The following CACNA2D3 variants were observed in gnomAD, a reference collection of about 807,000 sequenced individuals.
The protein encoded by CACNA2D3 is voltage-dependent calcium channel subunit alpha-2/delta-3.
A neutral mutation model predicts 160.6 loss-of-function variants in CACNA2D3; 60 were observed. The ratio of observed to expected loss-of-function variants is 0.37; its 90% confidence interval spans 0.30 to 0.46. CACNA2D3 has a LOEUF of 0.46. CACNA2D3 is among the 20% of genes least tolerant of loss of function. The pLI is 1.00. For synonymous variants in CACNA2D3, 558 were observed against 492.9 expected, an observed-to-expected ratio of 1.13 and a Z score of -1.75; for missense variants, 1,205 against 1,365.0, an observed-to-expected ratio of 0.88 and a Z score of 1.85.
intron 27 of CACNA2D3, chr3:54,918,431 T>C (rs2106922933): frequency 1.3e-6 from 2 of 1,540,150 alleles, no homozygotes; most frequent in East Asian, 4.8e-5. Flanking sequence ...TGGCCTGCAA[T>C]GACCAATCCT....
intron 13 of CACNA2D3, among the ~76,000 whole-genome samples, chr3:54,807,972 G>A (rs1363509479): frequency 2.8e-5 from 4 of 143,330 alleles, no homozygotes; most frequent in African/African-American, 5.2e-5. Context: ...ACCAAACACC[G>A]CATATTCTCA....
At chr3:54,777,360 T>G (rs1702443793) in intron 13 of CACNA2D3, among the ~76,000 whole-genome samples, 1 of 152,156 alleles carries the variant, frequency 6.6e-6, no homozygotes, top group Non-Finnish European at 1.5e-5. Flanking sequence ...GGGCTCCTCC[T>G]AACCTTACTC....
At chr3:54,475,346 A>G (rs2106884341) in intron 4 of CACNA2D3, among the ~76,000 whole-genome samples, 1 of 152,324 alleles carries the variant, frequency 6.6e-6, no homozygotes, top group East Asian at 1.9e-4. Context: ...GAATAAAATA[A>G]TTGAATTATC....
At chr3:54,796,757 C>G (rs1343755713) in intron 13 of CACNA2D3, among the ~76,000 whole-genome samples, 1 of 152,176 alleles carries the variant, frequency 6.6e-6, no homozygotes, top group African/African-American at 2.4e-5. Flanking sequence ...CCGTGAGACA[C>G]AGACTTCATG....
In CACNA2D3 at chr3:54,939,394, G is replaced by A. The variant is rs190692297; in HGVS notation, c.2450-29056G>A. 7.3e-3 allele frequency among the ~76,000 whole-genome samples: 1,109 copies of A among 152,306 alleles called. 6 individuals are homozygous for A. Among genetic ancestry groups the A allele is most frequent in the Middle Eastern group, 0.014 (4 of 294 alleles). On this transcript the variant is annotated intron_variant, in intron 27 of 37. Transcript: ENST00000474759. ...CTTCAAAGCCTTTGAACTACTCTGCGTTTTTATCTCATCTTATTCTTCCCA... is the reference window on the plus strand; with the variant it reads ...CTTCAAAGCCTTTGAACTACTCTGCATTTTTATCTCATCTTATTCTTCCCA...
chr3:54,866,795 C>T (rs1458030794), intron 17 of CACNA2D3, among the ~76,000 whole-genome samples: 3 of 152,218 alleles, frequency 2.0e-5, no homozygotes, highest in Admixed American at 2.0e-4. Flanking sequence ...AGGCTCTGTG[C>T]TGCAGGCAAG....
intron 11 of CACNA2D3, among the ~76,000 whole-genome samples, chr3:54,719,281 T>C (rs957164534): frequency 6.6e-6 from 1 of 151,836 alleles, no homozygotes; most frequent in African/African-American, 2.4e-5. Context: ...AGTTTTACCA[T>C]TAAGTCTTAT....
chr3:54,809,143 C>G (rs1004447741), intron 13 of CACNA2D3, among the ~76,000 whole-genome samples: 1 of 151,874 alleles, frequency 6.6e-6, no homozygotes, highest in Non-Finnish European at 1.5e-5. Context: ...GAAAGGTGGT[C>G]TACCAAGCTC....
At chr3:54,140,079 A>C (rs1395886961) in intron 2 of CACNA2D3, among the ~76,000 whole-genome samples, 1 of 152,224 alleles carries the variant, frequency 6.6e-6, no homozygotes, top group Non-Finnish European at 1.5e-5. Context: ...ATGAGGATTA[A>C]ATTGGATCAG....
rs187407189 is a variant in CACNA2D3 at position 54,260,452 on chromosome 3, A to G, written c.205-59990A>G. Among the ~76,000 whole-genome samples the G allele has an allele frequency of 3.6e-3, 542 of 152,334 alleles. 1 individual carries two copies. Among genetic ancestry groups the G allele is most frequent in the African/African-American group, 7.8e-3 (324 of 41,580 alleles). ...GGCAGAAGGCAGCATGCGGCAAGAC[A>G]GAGGGAGCGTGTCAGTTCAGGTCTC... On this transcript the variant is annotated intron_variant, in intron 2 of 37. Transcript: ENST00000474759.
At chr3:54,149,343 C>T (rs1361103465) in intron 2 of CACNA2D3, among the ~76,000 whole-genome samples, 1 of 151,862 alleles carries the variant, frequency 6.6e-6, no homozygotes, top group African/African-American at 2.4e-5. Flanking sequence ...GCTACCTCCA[C>T]CAGCCACCTC....
chr3:54,788,349 A>C (rs980898452), intron 13 of CACNA2D3, among the ~76,000 whole-genome samples: 1 of 152,180 alleles, frequency 6.6e-6, no homozygotes, highest in Non-Finnish European at 1.5e-5. Flanking sequence ...CTGATTGTTC[A>C]AGATGTCTCA....
intron 5 of CACNA2D3, among the ~76,000 whole-genome samples, chr3:54,557,727 T>G (rs1295371748): frequency 6.6e-6 from 1 of 152,200 alleles, no homozygotes; most frequent in East Asian, 1.9e-4. Context: ...ACAATAATCG[T>G]TATCAAGCTT....
chr3:54,332,062 C>T (rs1011268831), intron 3 of CACNA2D3, among the ~76,000 whole-genome samples: 2 of 152,136 alleles, frequency 1.3e-5, no homozygotes, highest in East Asian at 3.9e-4. Context: ...TATCTCTCTG[C>T]GCAGGCACCT....
intron 13 of CACNA2D3, among the ~76,000 whole-genome samples, chr3:54,809,669 T>G (rs535138218): frequency 6.6e-5 from 10 of 151,294 alleles, no homozygotes; most frequent in Admixed American, 6.6e-4. Flanking sequence ...CCTCCCTCCC[T>G]TCCTTTGTTC....
At chr3:54,736,024 CATATATATATGTATAT>C (rs1559563489) in intron 11 of CACNA2D3, among the ~76,000 whole-genome samples, 55 of 65,106 alleles carry the variant, frequency 8.4e-4, no homozygotes, top group Non-Finnish European at 1.1e-3. Context: ...TATACACATA[CATATATATATGTATAT>C]ATATACACAT....
chr3:54,784,762 G>A (rs1027305191), intron 13 of CACNA2D3, among the ~76,000 whole-genome samples: 15 of 152,164 alleles, frequency 9.9e-5, no homozygotes, highest in African/African-American at 2.9e-4. Context: ...AGCAGACTTC[G>A]TGAGCAGGCA....
At chr3:54,767,098 C>T (rs1228112433) in intron 13 of CACNA2D3, among the ~76,000 whole-genome samples, 1 of 151,696 alleles carries the variant, frequency 6.6e-6, no homozygotes, top group Admixed American at 6.6e-5. Flanking sequence ...GAGAAAATGA[C>T]ACAACTCTGA....
chr3:54,888,857 C>A (rs578120747), intron 24 of CACNA2D3, among the ~76,000 whole-genome samples: 1 of 152,288 alleles, frequency 6.6e-6, no homozygotes, highest in Non-Finnish European at 1.5e-5. Flanking sequence ...GTGCCAGACT[C>A]TGAGCGAGGT....
Sources: allele counts gnomAD v4.1 joint callset (sites outside exome capture counted in the v4.1 genomes callset), GRCh38; gene constraint gnomAD v4.1.1; transcripts MANE v1.5; gene names NCBI Gene and HGNC (gene_info 2026-07-23, HGNC 2026-07-21).